HPSE2: variants seen among roughly 807,000 people sequenced by gnomAD.
HPSE2 encodes heparanase 2 (inactive).
HPSE2 carries 38 observed loss-of-function variants against 60.5 expected under a neutral mutation model. The ratio of observed to expected loss-of-function variants is 0.63; its 90% CI spans 0.48 to 0.82. HPSE2 has a LOEUF of 0.82. HPSE2 is among the 40% of genes least tolerant of loss of function. HPSE2 has a pLI of 0.00. For synonymous variants in HPSE2, 295 were observed against 293.2 expected (o/e 1.01, Z -0.06); for missense variants, 713 against 740.4 (o/e 0.96, Z 0.43).
At chr10:99,195,747 T>C (rs890739006) in intron 2 of HPSE2, among the ~76,000 whole-genome samples, 1 of 152,072 alleles carries the variant, frequency 6.6e-6, no homozygotes, top group African/African-American at 2.4e-5. Context: ...TGTTCATGCA[T>C]TGGAAGAATC....
chr10:98,872,760 G>A (rs1952768035), intron 3 of HPSE2, among the ~76,000 whole-genome samples: 1 of 152,034 alleles, frequency 6.6e-6, no homozygotes. Flanking sequence ...GAAAACTACA[G>A]CAAGTTCTAG....
At chr10:99,060,963 G>T (rs1230350952) in intron 3 of HPSE2, among the ~76,000 whole-genome samples, 1 of 152,000 alleles carries the variant, frequency 6.6e-6, no homozygotes, top group African/African-American at 2.4e-5. Context: ...GTTGTTGGGG[G>T]TAAGAGAGTC....
chr10:99,054,961 C>T (rs1332185772), intron 3 of HPSE2, among the ~76,000 whole-genome samples: 1 of 152,110 alleles, frequency 6.6e-6, no homozygotes, highest in Non-Finnish European at 1.5e-5. Context: ...ATCTGCCCGC[C>T]TCAGCCTCTC....
chr10:99,191,746 C>G (rs1245532955), intron 2 of HPSE2, among the ~76,000 whole-genome samples: 1 of 152,220 alleles, frequency 6.6e-6, no homozygotes, highest in African/African-American at 2.4e-5. Context: ...CCATCAACAA[C>G]ATCCAGGAAA....
At chr10:99,299,926 G>A in the HPSE2 span, among the ~76,000 whole-genome samples, 2 of 151,532 alleles carry the variant, frequency 1.3e-5, no homozygotes, top group African/African-American at 2.4e-5. Context: ...GACATTAGGA[G>A]GAAGCTATAA....
chr10:99,043,428 T>C (rs1371788208), intron 3 of HPSE2, among the ~76,000 whole-genome samples: 4 of 152,090 alleles, frequency 2.6e-5, no homozygotes, highest in Non-Finnish European at 4.4e-5. Flanking sequence ...GAGGAGGAGC[T>C]TGCAGTGAGC....
At chr10:99,272,575 C>G in the HPSE2 span, among the ~76,000 whole-genome samples, 2 of 149,538 alleles carry the variant, frequency 1.3e-5, no homozygotes, top group Non-Finnish European at 3.0e-5. Flanking sequence ...AAACAAATTG[C>G]AAGAAAAAAA....
the HPSE2 span, among the ~76,000 whole-genome samples, chr10:99,306,140 A>G: frequency 6.6e-6 from 1 of 152,116 alleles, no homozygotes; most frequent in East Asian, 1.9e-4. Flanking sequence ...ATATACATGT[A>G]TTTAGAATTC....
intron 3 of HPSE2, among the ~76,000 whole-genome samples, chr10:99,073,051 G>A (rs987495178): frequency 2.0e-5 from 3 of 150,676 alleles, no homozygotes; most frequent in Non-Finnish European, 4.4e-5. Context: ...TTCAACCATT[G>A]TTGAAGACGA....
chr10:98,727,480 G>T (rs1949116370), intron 4 of HPSE2, among the ~76,000 whole-genome samples: 1 of 152,040 alleles, frequency 6.6e-6, no homozygotes, highest in Non-Finnish European at 1.5e-5. Context: ...GTGAAACCCT[G>T]TCTCTACTAA....
intron 3 of HPSE2, among the ~76,000 whole-genome samples, chr10:99,003,332 C>A (rs1182045747): frequency 6.6e-6 from 1 of 151,994 alleles, no homozygotes; most frequent in Non-Finnish European, 1.5e-5. Flanking sequence ...GATATGTCTT[C>A]AATATACTGA....
chr10:99,122,506 ATAAT>A (rs1844996139), intron 3 of HPSE2, among the ~76,000 whole-genome samples: 2 of 152,020 alleles, frequency 1.3e-5, no homozygotes, highest in South Asian at 4.1e-4. Flanking sequence ...CAAGTTTAAA[ATAAT>A]TAAAGTATGC....
At chr10:98,511,119 A>G (rs1001903561) in intron 9 of HPSE2, among the ~76,000 whole-genome samples, 1 of 146,530 alleles carries the variant, frequency 6.8e-6, no homozygotes, top group Non-Finnish European at 1.5e-5. Context: ...TGAAGTATTT[A>G]ATGTGTTGCT....
At chr10:99,275,659 T>A in the HPSE2 span, among the ~76,000 whole-genome samples, 1 of 152,158 alleles carries the variant, frequency 6.6e-6, no homozygotes, top group African/African-American at 2.4e-5. Flanking sequence ...CTAAACTCCA[T>A]CCCAAGGATA....
intron 2 of HPSE2, among the ~76,000 whole-genome samples, chr10:99,186,229 C>G (rs1848017668): frequency 6.6e-6 from 1 of 151,348 alleles, no homozygotes; most frequent in South Asian, 2.1e-4. Flanking sequence ...GAAAAAGATA[C>G]ATTGCCTATA....
chr10:99,221,343 G>A (rs1170990459), intron 2 of HPSE2, among the ~76,000 whole-genome samples: 1 of 152,132 alleles, frequency 6.6e-6, no homozygotes, highest in African/African-American at 2.4e-5. Flanking sequence ...AGTACTTACT[G>A]AAGAGCTACT....
At chr10:98,851,840 T>C (rs990802605) in intron 3 of HPSE2, among the ~76,000 whole-genome samples, 4 of 152,246 alleles carry the variant, frequency 2.6e-5, no homozygotes, top group African/African-American at 9.6e-5. Context: ...TCCTAAGTAA[T>C]AAAAATCACT....
At chr10:98,874,836 T>C (rs987515655) in intron 3 of HPSE2, among the ~76,000 whole-genome samples, 1 of 152,116 alleles carries the variant, frequency 6.6e-6, no homozygotes, top group Non-Finnish European at 1.5e-5. Context: ...TTGAATTTTA[T>C]CATAGGCCTT....
At position 98,933,676 on chromosome 10, in the gene HPSE2, C is replaced by T. The variant is rs1273308656; in HGVS notation, c.611-189620G>A. Among the ~76,000 whole-genome samples, 2 of 143,100 alleles carry T rather than the reference C, an allele frequency of 1.4e-5. 1 individual carries two copies. The highest frequency in any genetic ancestry group is 3.0e-5 in the Non-Finnish European group (2 of 67,078). The allele number at this position is 143,100 out of a possible 152,430, so 93.9% of individuals were successfully genotyped here. On this transcript the variant is annotated intron_variant, in intron 3 of 11. Coordinates refer to ENST00000370552, the MANE Select transcript of HPSE2 (RefSeq NM_021828.5). ...TATATATTTAGGGTAGTTAGCTCTT[C>T]GTGTTGAATTGAACACTTTAACATT...
Sources: gnomAD v4.1 joint callset for allele counts (sites outside exome capture counted in the v4.1 genomes callset) on GRCh38, gnomAD v4.1.1 for gene constraint, MANE v1.5 for transcripts, NCBI Gene and HGNC (gene_info 2026-07-23, HGNC 2026-07-21) for gene names.